TK2: variants seen among roughly 807,000 people sequenced by gnomAD.
The protein encoded by TK2 is thymidine kinase 2, also known as thymidine kinase 2, mitochondrial.
TK2 carries 35 observed loss-of-function variants against 41.9 expected under a neutral mutation model. The ratio of observed to expected loss-of-function variants is 0.84; its 90% CI spans 0.64 to 1.11. The LOEUF (loss-of-function observed/expected upper bound fraction) is 1.11, where lower values mean the gene tolerates loss of function less well. TK2 is among the 50% of genes least tolerant of loss of function. The pLI is 0.00. For missense variants in TK2, 320 were observed against 351.1 expected (o/e 0.91, Z 0.71); for synonymous variants, 128 against 129.1 (o/e 0.99, Z 0.06).
At position 66,529,186 on chromosome 16, in the gene TK2, G is replaced by T. The variant is rs117991260; in HGVS notation, c.376-119C>A. The stretch of plus-strand genomic sequence containing the variant: ...CTTTGCTGAATATGAGAATCAAGGC[G>T]GCAGAGAGAGTGAAGCAGGAGGACC... On this transcript the variant is annotated intron_variant, in intron 5 of 9. Coordinates refer to ENST00000544898, the MANE Select transcript of TK2 (RefSeq NM_004614.5). 0.015 allele frequency: 14,589 copies of T among 946,750 alleles called. 165 individuals are homozygous for T. The highest frequency in any genetic ancestry group is 0.018 in the Middle Eastern group (88 of 4,822). The allele number at this position is 946,750 out of a possible 1,614,324, so 58.6% of individuals were successfully genotyped here. A position where few individuals can be genotyped will look rare whatever the true frequency, so the allele number is the denominator to read the frequency against.
intron 4 of TK2, among the ~76,000 whole-genome samples, chr16:66,533,084 T>TG (rs1965166394): frequency 6.6e-6 from 1 of 151,282 alleles, no homozygotes; most frequent in Admixed American, 6.6e-5. Flanking sequence ...TCTTTTTTTT[T>TG]TTTTAAACAG....
At chr16:66,516,469 A>T (rs756462530) in intron 8 of TK2, among the ~76,000 whole-genome samples, 70 of 152,280 alleles carry the variant, frequency 4.6e-4, no homozygotes, top group Non-Finnish European at 7.4e-4. Flanking sequence ...AGGCACTGAA[A>T]GGTTCTGGGC....
At position 66,544,991 on chromosome 16, in the gene TK2, G is replaced by A. The variant is rs148456011; in HGVS notation, c.157-3038C>T. ...AATCCCAGCTACTGGGGAGGCTGAT[G>A]CAAGAGAATCGCTTGAGCTTGGGAG... is the stretch of plus-strand genomic sequence containing the variant. On this transcript the variant is annotated intron_variant, in intron 2 of 9. Transcript: ENST00000544898. 5.7e-3 allele frequency among the ~76,000 whole-genome samples: 861 copies of A among 151,676 alleles called. 16 individuals are homozygous for A. The highest frequency in any genetic ancestry group is 0.02 in the African/African-American group (835 of 41,338).
In TK2 at chr16:66,550,047, C is replaced by G. The variant is rs1965746692; in HGVS notation, c.15G>C (p.Pro5=). The change falls in exon 1 of 10, where the codon CCG becomes CCC. Residue 5 remains proline, a synonymous_variant. Coordinates refer to ENST00000544898, the MANE Select transcript of TK2 (RefSeq NM_004614.5). The part of the protein sequence containing the change: MLLW[P]LRGWAARALR... ...GCGCCCGGGCGGCCCAGCCCCGCAG[C>G]GGCCACAGCAGCATAGCCGGGCGAG... The G allele has an allele frequency of 6.4e-7, 1 of 1,570,414 alleles. No individual in the cohort carries two copies. The highest frequency in any genetic ancestry group is 1.2e-5 in the South Asian group (1 of 85,980).
intron 6 of TK2, 145 bp from the exon 7 acceptor site, chr16:66,518,022 T>C (rs1358022928): frequency 1.3e-6 from 1 of 744,438 alleles, no homozygotes; most frequent in Non-Finnish European, 2.4e-6. Flanking sequence ...ATACTGGACA[T>C]GCAGTGACAA....
intron 2 of TK2, among the ~76,000 whole-genome samples, chr16:66,545,028 A>T (rs1965562859): frequency 6.8e-6 from 1 of 146,310 alleles, no homozygotes; most frequent in Admixed American, 7.0e-5. Flanking sequence ...TGAGAGGTGG[A>T]GGTTGTGGTG....
intron 2 of TK2, chr16:66,547,947 A>G: frequency 7.8e-7 from 1 of 1,288,208 alleles, no homozygotes; most frequent in Non-Finnish European, 1.0e-6. Context: ...AATAACTAAT[A>G]AATAGCCAGG....
Position 66,514,255 on chromosome 16 carries a change from G to A in TK2, c.619-444C>T, listed in dbSNP as rs1427616366. On this transcript the variant is annotated intron_variant, in intron 8 of 9. Coordinates refer to ENST00000544898, the MANE Select transcript of TK2 (RefSeq NM_004614.5). The surrounding 1 kb of genome is among the most constrained non-coding windows in gnomAD (Gnocchi z 4.2). ...CTGCCTCAGCCTGCCAAGTGCCTGGGATTGCAGGCGCGCACCGCCATGCCT... is the reference window on the plus strand; with the variant it reads ...CTGCCTCAGCCTGCCAAGTGCCTGGAATTGCAGGCGCGCACCGCCATGCCT... 6.6e-6 allele frequency among the ~76,000 whole-genome samples: 1 copy of A among 152,228 alleles called. No individual in the cohort carries two copies. The highest frequency in any genetic ancestry group is 1.5e-5 in the Non-Finnish European group (1 of 68,042).
chr16:66,542,474 C>G (rs2144463393), intron 2 of TK2, among the ~76,000 whole-genome samples: 1 of 152,294 alleles, frequency 6.6e-6, no homozygotes, highest in East Asian at 1.9e-4. Context: ...AGGCCAAGCC[C>G]TGAGACAGGT....
rs765458695 is a variant in TK2, at chr16:66,550,088, G to A, written c.-27C>T. 3 of 1,603,762 alleles carry A rather than the reference G, an allele frequency of 1.9e-6. No homozygotes were observed. Among genetic ancestry groups the A allele is most frequent in the South Asian group, 2.2e-5 (2 of 89,470 alleles). On this transcript the variant is annotated 5_prime_UTR_variant, in exon 1 of 10. Transcript: ENST00000544898. ...GCCGGGCGAGCGGATCCAGAGGCCC[G>A]GGGTTCCTTCTTGTGCGAGTCGGCG...
rs192115161 is a variant in TK2, at chr16:66,524,527, G to C, written c.449+4467C>G. Among the ~76,000 whole-genome samples, 41 of 152,148 alleles carry C rather than the reference G, an allele frequency of 2.7e-4. 1 individual carries two copies. The East Asian group carries it at 7.5e-3, about 28-fold the overall frequency. On this transcript the variant is annotated intron_variant, in intron 6 of 9. Transcript: ENST00000544898. ...ATTTTTTAAATTTTTTGTAGAGATG[G>C]GAGTCTTACTTTGTTGCCCAGGCTG...
chr16:66,545,645 G>A (rs999366468), intron 2 of TK2, among the ~76,000 whole-genome samples: 4 of 152,114 alleles, frequency 2.6e-5, no homozygotes, highest in African/African-American at 7.2e-5. Context: ...CTAACGTGGT[G>A]AAACCCCGAC....
chr16:66,518,598 T>C (rs1964685679), intron 6 of TK2, among the ~76,000 whole-genome samples: 2 of 152,134 alleles, frequency 1.3e-5, no homozygotes, highest in African/African-American at 4.8e-5. Context: ...TTTAAACCAA[T>C]AAAAAACTAA....
chr16:66,536,220 A>T (rs1360261030), intron 4 of TK2, among the ~76,000 whole-genome samples: 2 of 151,398 alleles, frequency 1.3e-5, no homozygotes, highest in African/African-American at 4.9e-5. Flanking sequence ...AAAAAAAAAA[A>T]TCACAGGGCA....
intron 2 of TK2, among the ~76,000 whole-genome samples, chr16:66,545,043 G>A (rs563133599): frequency 4.8e-5 from 7 of 144,962 alleles, no homozygotes; most frequent in East Asian, 2.0e-4. Flanking sequence ...GTGGTGAGCC[G>A]AGATCACACC....
chr16:66,518,283 T>C, intron 6 of TK2: 1 of 264,900 alleles, frequency 3.8e-6, no homozygotes, highest in Non-Finnish European at 7.5e-6. Flanking sequence ...TCCCAGCACT[T>C]TGGGAGGGTG....
chr16:66,548,192 G>A (rs1260444016), intron 2 of TK2: 1 of 383,272 alleles, frequency 2.6e-6, no homozygotes, highest in African/African-American at 2.1e-5. Context: ...CAAATCTCAA[G>A]CATTTCAATC....
chr16:66,521,630 T>C (rs1964783016), intron 6 of TK2, among the ~76,000 whole-genome samples: 1 of 152,148 alleles, frequency 6.6e-6, no homozygotes. Flanking sequence ...CCGAGGGACA[T>C]GGGGCACAGT....
At chr16:66,515,609 C>A (rs1964589136) in intron 8 of TK2, among the ~76,000 whole-genome samples, 1 of 152,242 alleles carries the variant, frequency 6.6e-6, no homozygotes, top group Admixed American at 6.5e-5. Flanking sequence ...GCAATAGGAG[C>A]CAGATGTGTC....
Sources: allele counts gnomAD v4.1 joint callset (sites outside exome capture counted in the v4.1 genomes callset), GRCh38; gene constraint gnomAD v4.1.1; non-coding constraint Gnocchi (gnomAD v3.1); transcripts MANE v1.5; gene names NCBI Gene and HGNC (gene_info 2026-07-23, HGNC 2026-07-21).